The following PUM1 variants were observed in gnomAD, a reference collection of about 807,000 sequenced individuals.
The protein encoded by PUM1 is pumilio homolog 1.
Under a neutral mutation model 131.8 loss-of-function variants are expected in PUM1, and 13 were observed. The ratio of observed to expected loss-of-function variants is 0.10; its 90% CI spans 0.06 to 0.16. The LOEUF is 0.16. PUM1 is among the 10% of genes least tolerant of loss of function. The pLI is 1.00. For missense variants in PUM1, 961 were observed against 1,512.4 expected (o/e 0.64, Z 6.05); for synonymous variants, 509 against 556.5 (o/e 0.91, Z 1.20).
intron 10 of PUM1, among the ~76,000 whole-genome samples, chr1:30,970,064 C>G (rs750312807): frequency 2.0e-5 from 3 of 152,164 alleles, no homozygotes; most frequent in Admixed American, 2.0e-4. Context: ...TCTACACACT[C>G]CAGCAAGCAA....
At chr1:30,987,963 G>A (rs890373485) in intron 7 of PUM1, among the ~76,000 whole-genome samples, 2 of 152,156 alleles carry the variant, frequency 1.3e-5, no homozygotes, top group East Asian at 3.8e-4. Context: ...ATGACAGCTA[G>A]TACATCTACT....
chr1:30,986,477 G>C (rs1017963767), intron 7 of PUM1, among the ~76,000 whole-genome samples: 1 of 151,788 alleles, frequency 6.6e-6, no homozygotes, highest in African/African-American at 2.4e-5. Flanking sequence ...CAGGTTATTT[G>C]AACTACTGCA....
intron 7 of PUM1, among the ~76,000 whole-genome samples, chr1:30,981,682 A>T (rs72657292): frequency 7.3e-4 from 13 of 17,758 alleles, no homozygotes; most frequent in Admixed American, 4.4e-3. Flanking sequence ...ACACTCTCTC[A>T]CACACACACA....
chr1:31,002,482 G>A (rs1642251978), intron 5 of PUM1, among the ~76,000 whole-genome samples: 1 of 151,992 alleles, frequency 6.6e-6, no homozygotes, highest in African/African-American at 2.4e-5. Flanking sequence ...TCCATTTTTT[G>A]GCTGGCTAGG....
At chr1:30,955,965 G>C (rs1219144591) in intron 14 of PUM1, among the ~76,000 whole-genome samples, 1 of 152,196 alleles carries the variant, frequency 6.6e-6, no homozygotes, top group Non-Finnish European at 1.5e-5. Flanking sequence ...AAAGGAGTTT[G>C]CAACTCCCAT....
In PUM1 at chr1:30,950,210, C is replaced by T. The variant is rs761167558; in HGVS notation, c.2773G>A (p.Val925Ile). 1.1e-5 allele frequency: 17 copies of T among 1,613,924 alleles called. No individual in the cohort carries two copies. Among genetic ancestry groups the T allele is most frequent in the Middle Eastern group, 1.6e-4 (1 of 6,084 alleles). ...LALAERIRGH[V>I]LSLALQMYGC... ...TACATCTGTAGTGCCAATGACAGGA[C>T]GTGGCCTCGAATCCGTTCTGCCAAA... Residue 925 changes from valine (V) to isoleucine (I), a missense_variant, in exon 17 of 22, where the codon GTC (valine) becomes ATC (isoleucine). This residue lies in a region of PUM1 where 12 missense variants were observed against 60.3 expected (regional missense o/e 0.20). Transcript: ENST00000426105.
At chr1:30,937,454 G>A (rs1253488345) in intron 20 of PUM1, among the ~76,000 whole-genome samples, 3 of 151,994 alleles carry the variant, frequency 2.0e-5, no homozygotes, top group Non-Finnish European at 4.4e-5. Context: ...GCAGTGAGCC[G>A]AGATTGTGCC....
intron 10 of PUM1, among the ~76,000 whole-genome samples, chr1:30,971,182 G>A (rs1281679142): frequency 3.3e-5 from 5 of 152,030 alleles, no homozygotes; most frequent in African/African-American, 9.7e-5. Context: ...AACTATCCTA[G>A]AACAGTCAGC....
intron 2 of PUM1, among the ~76,000 whole-genome samples, chr1:31,052,974 G>A (rs1557606835): frequency 6.6e-6 from 1 of 151,124 alleles, no homozygotes; most frequent in Non-Finnish European, 1.5e-5. Flanking sequence ...AAAGTGCTGG[G>A]ATTACAGGCA....
chr1:31,009,778 A>AC lies in PUM1; in HGVS notation c.433-2677_433-2676insG, dbSNP rs796989372. ...GCAAGACTCTGTCTCAAAAAAAAAA[A>AC]AAAAAAAAACAAAAACAGAAACAAA... On this transcript the variant is annotated intron_variant, in intron 3 of 21. Transcript: ENST00000426105. Among the ~76,000 whole-genome samples, 597 of 106,784 alleles carry AC rather than the reference A, an allele frequency of 5.6e-3. 4 individuals are homozygous for AC. Among genetic ancestry groups the AC allele is most frequent in the Non-Finnish European group, 8.0e-3 (372 of 46,252 alleles). The allele number at this position is 106,784 out of a possible 152,430, so 70.1% of individuals were successfully genotyped here.
chr1:30,968,216 G>C (rs1640704411), intron 11 of PUM1, 138 bp downstream of exon 11: 2 of 1,152,864 alleles, frequency 1.7e-6, no homozygotes, highest in Non-Finnish European at 2.6e-6. Flanking sequence ...GTGAGGGCAA[G>C]TGTGTATCAT....
chr1:31,013,902 T>A (rs1020021357), intron 3 of PUM1, among the ~76,000 whole-genome samples: 1 of 152,226 alleles, frequency 6.6e-6, no homozygotes, highest in Non-Finnish European at 1.5e-5. Flanking sequence ...ATACTAAAGC[T>A]TTATTTAAAG....
intron 2 of PUM1, among the ~76,000 whole-genome samples, chr1:31,046,767 G>C (rs1415574042): frequency 2.6e-5 from 4 of 151,968 alleles, no homozygotes; most frequent in South Asian, 2.1e-4. Context: ...ACCACACAAG[G>C]CCCAACTGCA....
intron 10 of PUM1, among the ~76,000 whole-genome samples, chr1:30,971,440 A>G (rs1640868877): frequency 6.6e-6 from 1 of 152,252 alleles, no homozygotes; most frequent in South Asian, 2.1e-4. Flanking sequence ...AGGGAATGAC[A>G]GAAAACTGAA....
At chr1:31,031,547 A>T (rs1643431708) in intron 2 of PUM1, among the ~76,000 whole-genome samples, 1 of 152,202 alleles carries the variant, frequency 6.6e-6, no homozygotes, top group Non-Finnish European at 1.5e-5. Flanking sequence ...CTTACATGGC[A>T]CTGCCAGGAT....
chr1:31,053,218 T>C (rs912536985), intron 2 of PUM1, among the ~76,000 whole-genome samples: 1 of 150,498 alleles, frequency 6.6e-6, no homozygotes, highest in African/African-American at 2.4e-5. Flanking sequence ...TGTTGGCTGG[T>C]CTCAAACGCC....
intron 14 of PUM1, among the ~76,000 whole-genome samples, chr1:30,957,518 C>CT (rs2124424908): frequency 6.6e-6 from 1 of 152,340 alleles, no homozygotes; most frequent in African/African-American, 2.4e-5. Context: ...AGAAACATTT[C>CT]TCATAAGGCT....
chr1:30,964,543 C>T (rs1043668244), intron 14 of PUM1, 131 bp downstream of exon 14: 60 of 785,242 alleles, frequency 7.6e-5, no homozygotes, highest in African/African-American at 7.1e-4. Context: ...GAGGTATTTA[C>T]GGAAGGCACA....
intron 14 of PUM1, among the ~76,000 whole-genome samples, chr1:30,961,480 C>T (rs1232180230): frequency 4.6e-5 from 7 of 151,922 alleles, no homozygotes; most frequent in African/African-American, 9.7e-5. Context: ...GCTATGATAG[C>T]ACCACTGCAT....
Sources: gnomAD v4.1 joint callset for allele counts (sites outside exome capture counted in the v4.1 genomes callset) on GRCh38, gnomAD v4.1.1 for gene constraint, gnomAD v4.1.1 regional missense constraint, MANE v1.5 for transcripts, NCBI Gene and HGNC (gene_info 2026-07-23, HGNC 2026-07-21) for gene names.